IGSF10: variants seen among roughly 807,000 people sequenced by gnomAD.
The protein encoded by IGSF10 is calvaria mechanical force protein 608.
In IGSF10, 126 loss-of-function variants were observed where a neutral mutation model predicts 128.2. The ratio of observed to expected loss-of-function variants is 0.98; its 90% CI spans 0.85 to 1.14. The LOEUF is 1.14. Ranked by LOEUF, IGSF10 falls within the 50% of genes most tolerant of loss-of-function variation. The pLI, the probability that IGSF10 is intolerant of heterozygous loss-of-function variation, is 0.00. For synonymous variants in IGSF10, 1,185 were observed against 1,146.2 expected (o/e 1.03, Z -0.68); for missense variants, 3,295 against 3,149.8 (o/e 1.05, Z -1.10).
At chr3:151,485,219 G>A in the IGSF10 span, among the ~76,000 whole-genome samples, 1 of 152,006 alleles carries the variant, frequency 6.6e-6, no homozygotes, top group Admixed American at 6.6e-5. Flanking sequence ...AGGATCAACT[G>A]AATAAAATAA....
At chr3:151,499,948 A>AT in the IGSF10 span, 23 of 152,176 alleles carry the variant, frequency 1.5e-4, no homozygotes, top group Admixed American at 5.2e-4. Context: ...AAGTTATACT[A>AT]TTTGGATTTC....
chr3:151,570,186 A>T, the IGSF10 span, among the ~76,000 whole-genome samples: 4 of 152,316 alleles, frequency 2.6e-5, no homozygotes, highest in Middle Eastern at 0.014. Context: ...ATAGTGCCGC[A>T]ATAAACATTT....
At chr3:151,537,057 T>C in the IGSF10 span, among the ~76,000 whole-genome samples, 6 of 152,178 alleles carry the variant, frequency 3.9e-5, no homozygotes, top group Non-Finnish European at 7.3e-5. Context: ...ATAACAATAT[T>C]TGCTTGGGAT....
chr3:151,458,131 A>G (rs981975935), intron 3 of IGSF10, among the ~76,000 whole-genome samples: 30 of 150,654 alleles, frequency 2.0e-4, no homozygotes, highest in African/African-American at 5.1e-4. Flanking sequence ...ATATGTATGT[A>G]TGTGTGTGTG....
chr3:151,464,160 T>G (rs1722196980), upstream of IGSF10, among the ~76,000 whole-genome samples: 1 of 152,210 alleles, frequency 6.6e-6, no homozygotes, highest in Non-Finnish European at 1.5e-5. Flanking sequence ...CCTAAACCTG[T>G]GTTTCCTGGA....
chr3:151,525,977 C>T, the IGSF10 span, among the ~76,000 whole-genome samples: 4 of 152,244 alleles, frequency 2.6e-5, no homozygotes, highest in East Asian at 1.9e-4. Flanking sequence ...ACATGTACAC[C>T]GGGGAGCGGG....
intron 5 of IGSF10, among the ~76,000 whole-genome samples, chr3:151,451,995 G>T (rs1721533375): frequency 6.6e-6 from 1 of 152,132 alleles, no homozygotes; most frequent in Non-Finnish European, 1.5e-5. Context: ...AGTGCAAAAG[G>T]ATTGCCTACC....
chr3:151,572,956 T>A, the IGSF10 span, among the ~76,000 whole-genome samples: 1 of 152,216 alleles, frequency 6.6e-6, no homozygotes, highest in African/African-American at 2.4e-5. Context: ...TCAAAAAACA[T>A]CTTTTTTTCT....
the IGSF10 span, among the ~76,000 whole-genome samples, chr3:151,613,776 A>G: frequency 6.6e-6 from 1 of 152,250 alleles, no homozygotes; most frequent in Non-Finnish European, 1.5e-5. Context: ...CAAGGACTTC[A>G]TGTCTAAAAC....
the IGSF10 span, among the ~76,000 whole-genome samples, chr3:151,485,103 A>G: frequency 6.6e-6 from 1 of 152,242 alleles, no homozygotes; most frequent in Non-Finnish European, 1.5e-5. Context: ...AGAGAAAAAC[A>G]TAAATGACCT....
Position 151,438,614 on chromosome 3 carries a change from T to G in IGSF10, c.5964-17A>C. 6.3e-7 allele frequency: 1 copy of G among 1,586,600 alleles called. No homozygotes were observed. On this transcript the variant is annotated splice_polypyrimidine_tract_variant and intron_variant, in intron 7 of 7. Transcript: ENST00000282466. Reference sequence around the variant, plus strand: ...CTGCCCACTCTAAGGAGAAAAGAGATTCATTTGAGTGTGCAGCTGTTAGCA... The same window carrying G: ...CTGCCCACTCTAAGGAGAAAAGAGAGTCATTTGAGTGTGCAGCTGTTAGCA...
chr3:151,586,201 C>G, the IGSF10 span, among the ~76,000 whole-genome samples: 2 of 152,100 alleles, frequency 1.3e-5, no homozygotes, highest in African/African-American at 4.8e-5. Flanking sequence ...CTCAAGCGAT[C>G]CGCCCACCTC....
In IGSF10 at chr3:151,447,761, A is replaced by C; in HGVS notation, c.2220T>G (p.Asn740Lys). ...TAGCAGAGGGAGGGAAATGCCTCCT[A>C]TTCTCCCTAAAACGTCGATGTGTTG... ...GDSTHRRFRE[N>K]RRHFPPSARR... Residue 740 changes from asparagine (N) to lysine (K), a missense_variant, in exon 6 of 8, where the codon AAT becomes AAG. By Grantham distance (94) the Asn-to-Lys change is moderately conservative (BLOSUM62 0). Coordinates refer to ENST00000282466, the MANE Select transcript of IGSF10 (RefSeq NM_178822.5). The C allele has an allele frequency of 6.2e-7, 1 of 1,614,026 alleles. No homozygotes were observed. Among genetic ancestry groups the C allele is most frequent in the Non-Finnish European group, 8.5e-7 (1 of 1,179,952 alleles).
the IGSF10 span, among the ~76,000 whole-genome samples, chr3:151,516,121 A>G: frequency 2.0e-5 from 3 of 151,958 alleles, no homozygotes; most frequent in Non-Finnish European, 4.4e-5. Context: ...CTTGCTGTCC[A>G]CGCTACAGCA....
chr3:151,489,136 C>G, the IGSF10 span, among the ~76,000 whole-genome samples: 7 of 151,848 alleles, frequency 4.6e-5, no homozygotes, highest in East Asian at 1.4e-3. Flanking sequence ...AGGAAAGAAA[C>G]AAACAACCTC....
At chr3:151,557,997 G>GTATATATTATA in the IGSF10 span, among the ~76,000 whole-genome samples, 1 of 5,486 alleles carries the variant, frequency 1.8e-4, no homozygotes, top group Non-Finnish European at 4.7e-4. Flanking sequence ...CAAATATAAA[G>GTATATATTATA]TATATATAAT....
the IGSF10 span, among the ~76,000 whole-genome samples, chr3:151,515,439 A>G: frequency 7.6e-6 from 1 of 131,134 alleles, no homozygotes; most frequent in African/African-American, 2.9e-5. Context: ...TGGACACAGG[A>G]AGGGGAACAT....
the IGSF10 span, among the ~76,000 whole-genome samples, chr3:151,612,672 G>A: frequency 2.0e-5 from 3 of 152,102 alleles, no homozygotes; most frequent in Non-Finnish European, 2.9e-5. Flanking sequence ...AACAATTAGC[G>A]ATATGGGCAT....
In IGSF10 at chr3:151,445,659, G is replaced by T. The variant is rs1192970923; in HGVS notation, c.4322C>A (p.Thr1441Asn). The change falls in exon 6 of 8, where the codon ACT becomes AAT. Residue 1441 changes from threonine to asparagine, a missense_variant. Coordinates refer to ENST00000282466, the MANE Select transcript of IGSF10 (RefSeq NM_178822.5). ...ACTCTGGTGTGATTTGCTGGACAAA[G>T]TTGTTTCAGAAGCAATTGTGCTCTT... ...TLKSTIASET[T>N]LSSKSHQSTT... 3 of 1,614,232 alleles carry T rather than the reference G, an allele frequency of 1.9e-6. No homozygotes were observed. The highest frequency in any genetic ancestry group is 2.5e-6 in the Non-Finnish European group (3 of 1,180,036).
Sources: allele counts gnomAD v4.1 joint callset (sites outside exome capture counted in the v4.1 genomes callset), GRCh38; gene constraint gnomAD v4.1.1; transcripts MANE v1.5; gene names NCBI Gene and HGNC (gene_info 2026-07-23, HGNC 2026-07-21).